Variants in C16orf74 observed in about 807,000 individuals in gnomAD.
C16orf74 encodes calcimembrin.
A neutral mutation model predicts 6.5 loss-of-function variants in C16orf74; 10 were observed. That is an observed-to-expected ratio of 1.54 (90% CI 0.95 to 2.61). The LOEUF (loss-of-function observed/expected upper bound fraction) is 2.61, where lower values mean the gene tolerates loss of function less well. Ranked by LOEUF, C16orf74 falls within the 30% of genes most tolerant of loss-of-function variation. C16orf74 has a pLI of 0.00. For missense variants in C16orf74, 141 were observed against 105.9 expected (o/e 1.33, Z -1.45); for synonymous variants, 60 against 42.5 (o/e 1.41, Z -1.60).
intron 2 of C16orf74, among the ~76,000 whole-genome samples, chr16:85,733,455 C>G (rs185414220): frequency 2.6e-5 from 4 of 152,306 alleles, no homozygotes; most frequent in Non-Finnish European, 5.9e-5. Flanking sequence ...ATGAAACCTT[C>G]ATTCTGAAGA....
At chr16:85,735,775 A>C (rs2054238183) in intron 1 of C16orf74, among the ~76,000 whole-genome samples, 1 of 151,912 alleles carries the variant, frequency 6.6e-6, no homozygotes, top group Non-Finnish European at 1.5e-5. Context: ...GGGTATTAGA[A>C]TTGTCCCAAC....
intron 2 of C16orf74, among the ~76,000 whole-genome samples, chr16:85,717,535 A>G (rs1417735018): frequency 6.6e-6 from 1 of 152,124 alleles, no homozygotes; most frequent in Admixed American, 6.6e-5. Context: ...TGGGGCTGCC[A>G]AGTGTGGGGA....
At chr16:85,730,883 C>G (rs908223325) in intron 2 of C16orf74, among the ~76,000 whole-genome samples, 4 of 143,818 alleles carry the variant, frequency 2.8e-5, no homozygotes, top group African/African-American at 1.0e-4. Flanking sequence ...CCCTAGACAA[C>G]TGAACCCCCC....
intron 2 of C16orf74, among the ~76,000 whole-genome samples, chr16:85,715,796 C>A (rs1404843021): frequency 6.6e-6 from 1 of 152,158 alleles, no homozygotes; most frequent in Non-Finnish European, 1.5e-5. Flanking sequence ...AATAGCAGAA[C>A]CTCGAAAGCC....
chr16:85,720,418 C>T (rs1032871978), intron 2 of C16orf74, among the ~76,000 whole-genome samples: 3 of 152,214 alleles, frequency 2.0e-5, no homozygotes, highest in Non-Finnish European at 2.9e-5. Context: ...TAGCACTGGG[C>T]GCTCTGGGAA....
rs762344436 is a variant in C16orf74, at chr16:85,710,210, G to C, written c.126C>G (p.Pro42=). 6.7e-7 allele frequency: 1 copy of C among 1,498,624 alleles called. No individual in the cohort carries two copies. Among genetic ancestry groups the C allele is most frequent in the East Asian group, 2.7e-5 (1 of 36,976 alleles). The allele number at this position is 1,498,624 out of a possible 1,614,324, so 92.8% of individuals were successfully genotyped here. Residue 42 remains proline, a synonymous_variant, in exon 3 of 4, where the codon CCC becomes CCG. Transcript: ENST00000284245. ...GCAGCATCATGCCCGTGGGGGTGGG[G>C]GGCGTGATGATGATGTCGGGCACGT... ...HLDVPDIIIT[P]PTPTGMMLPR... is the part of the protein sequence containing the mutation.
At chr16:85,726,734 A>G (rs2054137180) in intron 2 of C16orf74, among the ~76,000 whole-genome samples, 1 of 151,984 alleles carries the variant, frequency 6.6e-6, no homozygotes, top group Non-Finnish European at 1.5e-5. Context: ...TCACCCTCCC[A>G]TTTCACAGAG....
intron 2 of C16orf74, among the ~76,000 whole-genome samples, chr16:85,713,143 T>G (rs2053986608): frequency 6.6e-6 from 1 of 152,160 alleles, no homozygotes; most frequent in African/African-American, 2.4e-5. Context: ...AGGGAGACTG[T>G]TCCAAGCCCC....
chr16:85,739,607 T>C (rs553194608), intron 1 of C16orf74, among the ~76,000 whole-genome samples: 4 of 152,250 alleles, frequency 2.6e-5, no homozygotes, highest in Admixed American at 6.5e-5. Context: ...ATGACCAGCC[T>C]GGGCAACATG....
At chr16:85,717,224 G>C (rs964950203) in intron 2 of C16orf74, among the ~76,000 whole-genome samples, 2 of 152,220 alleles carry the variant, frequency 1.3e-5, no homozygotes, top group Admixed American at 1.3e-4. Context: ...AGGTTGGACA[G>C]GCTTTGAGAC....
At chr16:85,725,436 C>T (rs1028067582) in intron 2 of C16orf74, among the ~76,000 whole-genome samples, 8 of 152,222 alleles carry the variant, frequency 5.3e-5, no homozygotes, top group African/African-American at 1.7e-4. Flanking sequence ...AGGAGGCCTC[C>T]TAGAGCACCA....
chr16:85,725,019 G>A (rs1296171868), intron 2 of C16orf74, among the ~76,000 whole-genome samples: 4 of 152,128 alleles, frequency 2.6e-5, no homozygotes, highest in South Asian at 2.1e-4. Flanking sequence ...CCCTCCTTTC[G>A]GAGGATATCA....
At chr16:85,723,167 G>A (rs1260103657) in intron 2 of C16orf74, among the ~76,000 whole-genome samples, 1 of 151,258 alleles carries the variant, frequency 6.6e-6, no homozygotes, top group Non-Finnish European at 1.5e-5. Context: ...GGCTGAGGCA[G>A]GAGAATCACT....
chr16:85,727,987 A>T (rs1431141712), intron 2 of C16orf74, among the ~76,000 whole-genome samples: 1 of 150,748 alleles, frequency 6.6e-6, no homozygotes, highest in African/African-American at 2.4e-5. Flanking sequence ...AAAAAAAAAA[A>T]AATTAGCTGG....
chr16:85,737,802 G>C (rs139035239), intron 1 of C16orf74, among the ~76,000 whole-genome samples: 2,559 of 152,200 alleles, frequency 0.017, 70 homozygotes, highest in African/African-American at 0.059. Context: ...CTGCACTCCA[G>C]CTTGGGCAAT....
At chr16:85,740,995 C>T (rs532013491) in intron 1 of C16orf74, among the ~76,000 whole-genome samples, 63 of 152,132 alleles carry the variant, frequency 4.1e-4, no homozygotes, top group African/African-American at 1.3e-3. Context: ...TCATTTCTGG[C>T]GAAGGATATT....
At chr16:85,729,300 C>A (rs376199801) in intron 2 of C16orf74, among the ~76,000 whole-genome samples, 3 of 152,180 alleles carry the variant, frequency 2.0e-5, no homozygotes, top group African/African-American at 7.2e-5. Context: ...GGGTGAGGCA[C>A]GAGGGAGATT....
intron 1 of C16orf74, among the ~76,000 whole-genome samples, chr16:85,742,503 G>A (rs1383296103): frequency 3.3e-5 from 5 of 152,058 alleles, no homozygotes; most frequent in African/African-American, 1.2e-4. Context: ...CCATCCTGGC[G>A]CCATGTTTCT....
chr16:85,732,357 A>C (rs971479575), intron 2 of C16orf74, among the ~76,000 whole-genome samples: 3 of 152,158 alleles, frequency 2.0e-5, no homozygotes, highest in African/African-American at 7.2e-5. Context: ...GGCTACTTCA[A>C]ATATGGAGTT....
Sources: allele counts gnomAD v4.1 joint callset (sites outside exome capture counted in the v4.1 genomes callset), GRCh38; gene constraint gnomAD v4.1.1; transcripts MANE v1.5; gene names NCBI Gene and HGNC (gene_info 2026-07-23, HGNC 2026-07-21).